Variants in RPS6KA2 observed in about 807,000 individuals in gnomAD.
The protein encoded by RPS6KA2 is ribosomal protein S6 kinase A2.
RPS6KA2 carries 42 observed loss-of-function variants against 91.8 expected under a neutral mutation model. The observed-to-expected ratio is 0.46, with a 90% CI of 0.36 to 0.59. The LOEUF (loss-of-function observed/expected upper bound fraction) is 0.59, where lower values mean the gene tolerates loss of function less well. Among genes scored for constraint, RPS6KA2 ranks in the 20% least tolerant of loss-of-function variants. RPS6KA2 has a pLI of 0.00. For synonymous variants in RPS6KA2, 414 were observed against 393.6 expected (o/e 1.05, Z -0.61); for missense variants, 798 against 978.5 (o/e 0.82, Z 2.46).
intron 1 of RPS6KA2, among the ~76,000 whole-genome samples, chr6:166,592,014 T>C (rs1336093428): frequency 6.6e-6 from 1 of 152,006 alleles, no homozygotes; most frequent in African/African-American, 2.4e-5. Flanking sequence ...AATGAGAAAA[T>C]GATGGACGTT....
chr6:166,785,774 T>C (rs928414755), intron 2 of RPS6KA2, among the ~76,000 whole-genome samples: 1 of 152,354 alleles, frequency 6.6e-6, no homozygotes, highest in East Asian at 1.9e-4. Flanking sequence ...AAGCACTCAA[T>C]GATTTTACTA....
chr6:166,812,571 C>G (rs1331122586), intron 2 of RPS6KA2, among the ~76,000 whole-genome samples: 1 of 151,930 alleles, frequency 6.6e-6, no homozygotes, highest in Non-Finnish European at 1.5e-5. Flanking sequence ...CAATGGAAAT[C>G]CTCCACATGG....
chr6:166,431,650 T>C (rs1380467647), intron 15 of RPS6KA2, among the ~76,000 whole-genome samples: 1 of 152,236 alleles, frequency 6.6e-6, no homozygotes, highest in Non-Finnish European at 1.5e-5. Flanking sequence ...GGAGTCTCTC[T>C]CAGTTGCCCA....
chr6:166,641,897 G>A (rs1341332863), intron 2 of RPS6KA2, among the ~76,000 whole-genome samples: 5 of 151,752 alleles, frequency 3.3e-5, no homozygotes, highest in Non-Finnish European at 7.4e-5. Flanking sequence ...AAATATGGAA[G>A]ATAGAAGGAG....
chr6:166,562,809 T>C (rs1784381565), intron 1 of RPS6KA2, among the ~76,000 whole-genome samples: 1 of 152,178 alleles, frequency 6.6e-6, no homozygotes, highest in South Asian at 2.1e-4. Context: ...TGGGACAGCA[T>C]GGCCACGATG....
intron 2 of RPS6KA2, among the ~76,000 whole-genome samples, chr6:166,823,257 G>A (rs1424965030): frequency 6.6e-6 from 1 of 152,128 alleles, no homozygotes; most frequent in Non-Finnish European, 1.5e-5. Context: ...TGTAGAAGGA[G>A]ACCACATATT....
chr6:166,748,183 C>A (rs568542282), intron 2 of RPS6KA2, among the ~76,000 whole-genome samples: 1 of 152,218 alleles, frequency 6.6e-6, no homozygotes, highest in South Asian at 2.1e-4. Context: ...TAGCAGCAAC[C>A]GTAGAGGAAG....
intron 11 of RPS6KA2, among the ~76,000 whole-genome samples, chr6:166,469,047 T>G (rs1161666446): frequency 6.6e-6 from 1 of 152,150 alleles, no homozygotes; most frequent in Non-Finnish European, 1.5e-5. Context: ...AAGCAACTGA[T>G]AGGAAAGGAG....
intron 5 of RPS6KA2, among the ~76,000 whole-genome samples, chr6:166,505,445 C>T (rs1320021188): frequency 1.3e-5 from 2 of 152,162 alleles, no homozygotes; most frequent in East Asian, 3.8e-4. Flanking sequence ...TTGTAGACCC[C>T]CTTAAGAGGA....
intron 2 of RPS6KA2, among the ~76,000 whole-genome samples, chr6:166,751,130 C>T (rs1791270020): frequency 6.6e-6 from 1 of 152,190 alleles, no homozygotes; most frequent in Non-Finnish European, 1.5e-5. Context: ...GGTGAAATAG[C>T]GGAGCAGTAA....
chr6:166,454,034 G>A (rs908982492), intron 12 of RPS6KA2, among the ~76,000 whole-genome samples: 1 of 152,178 alleles, frequency 6.6e-6, no homozygotes, highest in Non-Finnish European at 1.5e-5. Context: ...CGAGTGTGGT[G>A]GGATAGAGAA....
At chr6:166,466,931 CTTG>C in intron 11 of RPS6KA2, among the ~76,000 whole-genome samples, 1 of 117,338 alleles carries the variant, frequency 8.5e-6, no homozygotes, top group Non-Finnish European at 1.7e-5. Context: ...CACTCCCTCA[CTTG>C]TTGACTCACT....
intron 3 of RPS6KA2, among the ~76,000 whole-genome samples, chr6:166,522,853 T>C (rs965938341): frequency 1.3e-5 from 2 of 152,272 alleles, no homozygotes; most frequent in South Asian, 4.1e-4. Context: ...CCATAAATAA[T>C]AAGAAGCAAA....
At chr6:166,480,785 G>T (rs994824473) in intron 10 of RPS6KA2, among the ~76,000 whole-genome samples, 105 of 152,154 alleles carry the variant, frequency 6.9e-4, no homozygotes, top group African/African-American at 2.5e-3. Context: ...AAAGTGCTGG[G>T]ATTACAGGCG....
At chr6:166,750,824 G>A (rs958794962) in intron 2 of RPS6KA2, among the ~76,000 whole-genome samples, 1 of 152,234 alleles carries the variant, frequency 6.6e-6, no homozygotes, top group African/African-American at 2.4e-5. Context: ...ATGGAAATGG[G>A]AAATTCTGTA....
chr6:166,575,348 C>T (rs528955461), intron 1 of RPS6KA2, among the ~76,000 whole-genome samples: 15 of 152,234 alleles, frequency 9.9e-5, no homozygotes, highest in East Asian at 3.9e-4. Flanking sequence ...CTATTTTCAG[C>T]GCTGGCTTTT....
At position 166,597,670 on chromosome 6, in the gene RPS6KA2, C is replaced by T. The variant is rs531097610; in HGVS notation, c.99+29251G>A. ...TGCAAGATTGCAGCTCTAATAGACA[C>T]TGTAGGCAAGCCAAAATTTTCATGA... On this transcript the variant is annotated intron_variant, in intron 1 of 20. Coordinates refer to ENST00000265678, the MANE Select transcript of RPS6KA2 (RefSeq NM_021135.6). 2.6e-5 allele frequency among the ~76,000 whole-genome samples: 4 copies of T among 152,360 alleles called. No homozygotes were observed. The South Asian group carries it at 8.3e-4, about 32-fold the overall frequency.
rs1276995798 is a variant in RPS6KA2 at position 166,852,744 on chromosome 6, C to G, written c.123+5456G>C. 6.6e-6 allele frequency among the ~76,000 whole-genome samples: 1 copy of G among 152,118 alleles called. No individual in the cohort carries two copies. The highest frequency in any genetic ancestry group is 1.5e-5 in the Non-Finnish European group (1 of 67,996). ...GAGCTCATCCCTGAGCGCCCACAGG[C>G]CCCTGGATGTCCCTGTAAGGAGGCT... On this transcript the variant is annotated intron_variant, in intron 2 of 21. Transcript: ENST00000503859. This position sits in a 1 kb window ranked among gnomAD's most constrained non-coding sequence, Gnocchi z 4.1.
At chr6:166,858,151 G>T in intron 2 of RPS6KA2, 1 of 1,123,750 alleles carries the variant, frequency 8.9e-7, no homozygotes, top group Non-Finnish European at 1.4e-6. Flanking sequence ...CACCTTCTGG[G>T]CCCAATCTCC....
Sources: gnomAD v4.1 joint callset for allele counts (sites outside exome capture counted in the v4.1 genomes callset) on GRCh38, gnomAD v4.1.1 for gene constraint, Gnocchi (gnomAD v3.1) non-coding constraint, MANE v1.5 for transcripts, NCBI Gene and HGNC (gene_info 2026-07-23, HGNC 2026-07-21) for gene names.